Variants in SLIT2 observed in about 807,000 individuals in gnomAD.
SLIT2 encodes the protein slit homolog 2 protein.
In SLIT2, 41 loss-of-function variants were observed where a neutral mutation model predicts 185.7. The ratio of observed to expected loss-of-function variants is 0.22; its 90% confidence interval spans 0.17 to 0.29. The LOEUF is 0.29. SLIT2 is among the 10% of genes least tolerant of loss of function. The pLI, the probability that SLIT2 is intolerant of heterozygous loss-of-function variation, is 1.00. For missense variants in SLIT2, 1,571 were observed against 1,909.0 expected (o/e 0.82, Z 3.30); for synonymous variants, 693 against 680.2 (o/e 1.02, Z -0.29).
At chr4:20,362,628 T>G (rs937659528) in intron 4 of SLIT2, among the ~76,000 whole-genome samples, 1 of 151,816 alleles carries the variant, frequency 6.6e-6, no homozygotes, top group African/African-American at 2.4e-5. Flanking sequence ...TTTTTTGTAT[T>G]TTTTAAAATA....
intron 4 of SLIT2, among the ~76,000 whole-genome samples, chr4:20,389,305 A>T (rs560791123): frequency 6.6e-6 from 1 of 152,004 alleles, no homozygotes; most frequent in South Asian, 2.1e-4. Context: ...AATGCAACAG[A>T]AACAGGCAAA....
intron 4 of SLIT2, among the ~76,000 whole-genome samples, chr4:20,383,796 G>A (rs1202738107): frequency 6.6e-6 from 1 of 151,974 alleles, no homozygotes; most frequent in African/African-American, 2.4e-5. Flanking sequence ...TCCATCTCCC[G>A]GATTCAAGTG....
In SLIT2 at chr4:20,254,777, G is replaced by A. The variant is rs1711590921; in HGVS notation, c.179+783G>A. ...CACTGCGGCGACCCGGCGGTGCCCGGCTGCCCCCTCCGGCCCTTCCTGCTG... is the reference window on the plus strand; with the variant it reads ...CACTGCGGCGACCCGGCGGTGCCCGACTGCCCCCTCCGGCCCTTCCTGCTG... On this transcript the variant is annotated intron_variant, in intron 1 of 36. Transcript: ENST00000504154. This position sits in a 1 kb window ranked among gnomAD's most constrained non-coding sequence, Gnocchi z 5.1. 5 of 391,126 alleles carry A rather than the reference G, an allele frequency of 1.3e-5. No individual in the cohort carries two copies. In the Admixed American group the frequency reaches 1.4e-4, roughly 11 times the overall value. 24.2% of individuals were successfully genotyped at this position (391,126 alleles called of 1,614,324 possible).
At chr4:20,413,564 A>G (rs542977528) in intron 4 of SLIT2, among the ~76,000 whole-genome samples, 12 of 152,126 alleles carry the variant, frequency 7.9e-5, no homozygotes, top group African/African-American at 2.4e-4. Flanking sequence ...TATAATTTAT[A>G]AATTGTTTAT....
intron 4 of SLIT2, among the ~76,000 whole-genome samples, chr4:20,345,814 G>C (rs1468526512): frequency 6.6e-6 from 1 of 151,714 alleles, no homozygotes; most frequent in Non-Finnish European, 1.5e-5. Flanking sequence ...GATTACAGGC[G>C]TGAGCACCCA....
rs540630977 is a variant in SLIT2 at position 20,541,518 on chromosome 4, A to G, written c.2042A>G (p.Lys681Arg). The change falls in exon 20 of 37, where the codon AAG becomes AGG. Residue 681 changes from lysine to arginine, a missense_variant. Transcript: ENST00000504154. ...YLAWLGEWLR[K>R]KRIVTGNPRC... ...GCTTGGTTGGGAGAGTGGCTGAGAA[A>G]GAAGAGAATTGTCACGGGAAATCCT... is the stretch of plus-strand genomic sequence containing the variant. 8 of 1,614,082 alleles carry G rather than the reference A, an allele frequency of 5.0e-6. No individual in the cohort carries two copies. In the South Asian group the frequency reaches 7.7e-5, roughly 16 times the overall value.
intron 4 of SLIT2, among the ~76,000 whole-genome samples, chr4:20,402,504 T>G (rs983042889): frequency 6.6e-6 from 1 of 151,910 alleles, no homozygotes; most frequent in Non-Finnish European, 1.5e-5. Context: ...TTGTCTATAT[T>G]CAGTTATTTA....
rs1400810412 is a variant in SLIT2, at chr4:20,580,605, GT to G, written c.3089-9037del. Reference sequence around the variant, plus strand: ...TAAGACCTTGAAGAGGAGAATTGTTGTTATTATTTGGTGGATAGCCTGTCCT... The same window carrying G: ...TAAGACCTTGAAGAGGAGAATTGTTGTATTATTTGGTGGATAGCCTGTCCT... On this transcript the variant is annotated intron_variant, in intron 29 of 36. Transcript: ENST00000504154. Among the ~76,000 whole-genome samples the G allele has an allele frequency of 1.1e-4, 16 of 152,116 alleles. 1 individual carries two copies. Among genetic ancestry groups the G allele is most frequent in the Admixed American group, 6.6e-5 (1 of 15,252 alleles).
At chr4:20,472,365 G>GATATCTAT (rs1715315495) in intron 5 of SLIT2, among the ~76,000 whole-genome samples, 1 of 27,718 alleles carries the variant, frequency 3.6e-5, no homozygotes, top group Non-Finnish European at 6.0e-5. Context: ...TATCTATATA[G>GATATCTAT]ATATCTATAT....
intron 9 of SLIT2, among the ~76,000 whole-genome samples, chr4:20,493,007 T>C (rs938594251): frequency 1.3e-5 from 2 of 152,110 alleles, no homozygotes; most frequent in Admixed American, 6.6e-5. Flanking sequence ...CATAATAATA[T>C]CATTCTCATC....
chr4:20,469,514 G>A (rs993296890), intron 5 of SLIT2, among the ~76,000 whole-genome samples: 1 of 152,068 alleles, frequency 6.6e-6, no homozygotes, highest in African/African-American at 2.4e-5. Context: ...AAGCTAGTCA[G>A]TGTTCTATCT....
rs1218618638 is a variant in SLIT2, at chr4:20,472,511, G to GATATATCTAT, written c.467+4691_467+4692insTATCTATATA. On this transcript the variant is annotated intron_variant, in intron 5 of 36. Transcript: ENST00000504154. The stretch of plus-strand genomic sequence containing the variant: ...ATATATAGATATATATCTATATATA[G>GATATATCTAT]ATAGATATATATCTATATATAGATA... 2.2e-3 allele frequency among the ~76,000 whole-genome samples: 15 copies of GATATATCTAT among 6,708 alleles called. 2 individuals carry two copies. Among genetic ancestry groups the GATATATCTAT allele is most frequent in the South Asian group, 8.2e-3 (1 of 122 alleles). 4.4% of individuals were successfully genotyped at this position (6,708 alleles called of 152,430 possible).
intron 4 of SLIT2, among the ~76,000 whole-genome samples, chr4:20,429,775 T>C (rs1560415874): frequency 6.6e-6 from 1 of 152,170 alleles, no homozygotes; most frequent in Admixed American, 6.5e-5. Flanking sequence ...CATAAATTTA[T>C]ATTGTTGTAT....
chr4:20,609,963 C>A (rs1729086440), intron 33 of SLIT2, 50 bp from the exon 34 acceptor site: 3 of 1,538,736 alleles, frequency 1.9e-6, no homozygotes, highest in African/African-American at 2.8e-5. Context: ...AACTACCTTG[C>A]TTTAATGAAA....
intron 30 of SLIT2, 62 bp downstream of exon 30, chr4:20,589,799 C>A: frequency 9.3e-7 from 1 of 1,070,418 alleles, no homozygotes; most frequent in Non-Finnish European, 1.4e-6. Context: ...TTTAGGAGCC[C>A]TTCTCCTCCT....
chr4:20,596,390 A>ATTTTTTTTT, intron 31 of SLIT2, 25 bp from the exon 32 acceptor site: 2 of 1,595,274 alleles, frequency 1.3e-6, no homozygotes, highest in South Asian at 1.1e-5. Flanking sequence ...GTATTAACTA[A>ATTTTTTTTT]TTTTTTTTTC....
chr4:20,302,432 G>T (rs1717142398), intron 4 of SLIT2, among the ~76,000 whole-genome samples: 1 of 152,112 alleles, frequency 6.6e-6, no homozygotes, highest in African/African-American at 2.4e-5. Flanking sequence ...GCCAGGCAAT[G>T]GGGGAGGGAC....
At chr4:20,527,421 G>C (rs1243482110) in intron 15 of SLIT2, among the ~76,000 whole-genome samples, 1 of 152,042 alleles carries the variant, frequency 6.6e-6, no homozygotes, top group Non-Finnish European at 1.5e-5. Context: ...CGAGTAGCTG[G>C]GACTACAGGC....
intron 4 of SLIT2, among the ~76,000 whole-genome samples, chr4:20,427,070 T>C (rs1390269400): frequency 6.6e-6 from 1 of 152,228 alleles, no homozygotes; most frequent in African/African-American, 2.4e-5. Context: ...TTATCTCATT[T>C]GATCCTTAGA....
Sources: allele counts gnomAD v4.1 joint callset (sites outside exome capture counted in the v4.1 genomes callset), GRCh38; gene constraint gnomAD v4.1.1; non-coding constraint Gnocchi (gnomAD v3.1); transcripts MANE v1.5; gene names NCBI Gene and HGNC (gene_info 2026-07-23, HGNC 2026-07-21).